PPP2R2B: variants seen among roughly 807,000 people sequenced by gnomAD.
PPP2R2B encodes the protein serine/threonine-protein phosphatase 2A 55 kDa regulatory subunit B beta isoform.
Under a neutral mutation model 46.0 loss-of-function variants are expected in PPP2R2B, and 5 were observed. The observed-to-expected ratio is 0.11, with a 90% CI of 0.06 to 0.23. The LOEUF is 0.23. Ranked by LOEUF, PPP2R2B falls within the 10% of genes least tolerant of loss-of-function variation. The pLI, the probability that PPP2R2B is intolerant of heterozygous loss-of-function variation, is 1.00. For synonymous variants in PPP2R2B, 215 were observed against 206.7 expected, an observed-to-expected ratio of 1.04 and a Z score of -0.34; for missense variants, 367 against 575.0, an observed-to-expected ratio of 0.64 and a Z score of 3.70.
chr5:146,901,867 A>G (rs1242105730), intron 1 of PPP2R2B, among the ~76,000 whole-genome samples: 4 of 152,198 alleles, frequency 2.6e-5, no homozygotes, highest in Non-Finnish European at 5.9e-5. Context: ...ACACCTCAAG[A>G]TGGGAAAATG....
At chr5:146,793,759 C>A (rs949831113) in intron 2 of PPP2R2B, among the ~76,000 whole-genome samples, 1 of 152,042 alleles carries the variant, frequency 6.6e-6, no homozygotes, top group African/African-American at 2.4e-5. Context: ...TTAGAAATAA[C>A]GAGAATATAA....
intron 2 of PPP2R2B, among the ~76,000 whole-genome samples, chr5:146,876,859 G>A (rs1178825971): frequency 2.6e-5 from 4 of 152,154 alleles, no homozygotes; most frequent in Non-Finnish European, 5.9e-5. Context: ...AGATGTGTGT[G>A]TGTCTTTTTA....
At chr5:146,953,675 G>A (rs766451865) in intron 1 of PPP2R2B, among the ~76,000 whole-genome samples, 1 of 152,128 alleles carries the variant, frequency 6.6e-6, no homozygotes, top group African/African-American at 2.4e-5. Flanking sequence ...GGAATACTTA[G>A]CCTGTGTTAA....
chr5:146,731,749 T>A (rs1256437322), intron 2 of PPP2R2B, among the ~76,000 whole-genome samples: 1 of 152,232 alleles, frequency 6.6e-6, no homozygotes, highest in Non-Finnish European at 1.5e-5. Context: ...GCTAGCACAC[T>A]GCCTGACATC....
At chr5:146,657,981 C>A (rs1007427658) in intron 5 of PPP2R2B, among the ~76,000 whole-genome samples, 2 of 152,170 alleles carry the variant, frequency 1.3e-5, no homozygotes, top group Non-Finnish European at 2.9e-5. Context: ...ACACTGGCCC[C>A]AGATAAGGCC....
chr5:147,026,647 T>C (rs748245979), intron 1 of PPP2R2B, among the ~76,000 whole-genome samples: 6 of 152,110 alleles, frequency 3.9e-5, no homozygotes, highest in Non-Finnish European at 7.4e-5. Context: ...TAGATAACTA[T>C]TTAAATAAAT....
intron 7 of PPP2R2B, among the ~76,000 whole-genome samples, chr5:146,618,177 T>C (rs1246801030): frequency 6.6e-6 from 1 of 152,220 alleles, no homozygotes; most frequent in Non-Finnish European, 1.5e-5. Flanking sequence ...CTCAGTGTAA[T>C]GACCATGGTC....
intron 2 of PPP2R2B, among the ~76,000 whole-genome samples, chr5:146,854,661 T>C (rs1760544227): frequency 6.6e-6 from 1 of 152,178 alleles, no homozygotes; most frequent in South Asian, 2.1e-4. Flanking sequence ...TCTTACATTA[T>C]ATTAAAACAC....
At chr5:146,650,104 C>T (rs1409331824) in intron 6 of PPP2R2B, among the ~76,000 whole-genome samples, 3 of 152,172 alleles carry the variant, frequency 2.0e-5, no homozygotes, top group Non-Finnish European at 4.4e-5. Flanking sequence ...GTTCCCATTG[C>T]AAGTGCTTGG....
chr5:146,876,094 ATGTG>A (rs1761882052), intron 2 of PPP2R2B, among the ~76,000 whole-genome samples: 1 of 152,152 alleles, frequency 6.6e-6, no homozygotes, highest in Non-Finnish European at 1.5e-5. Flanking sequence ...TGTGATTAGT[ATGTG>A]TGTGTGTTTG....
At chr5:146,935,216 C>T (rs1214450691) in intron 1 of PPP2R2B, among the ~76,000 whole-genome samples, 1 of 152,138 alleles carries the variant, frequency 6.6e-6, no homozygotes, top group Non-Finnish European at 1.5e-5. Context: ...GCAGAGCCCT[C>T]ACAAATGGAA....
intron 4 of PPP2R2B, among the ~76,000 whole-genome samples, chr5:146,697,017 T>G (rs1484775060): frequency 6.6e-6 from 1 of 152,220 alleles, no homozygotes; most frequent in East Asian, 1.9e-4. Flanking sequence ...TTCATGTATG[T>G]TTGATCACAT....
chr5:146,937,314 A>G lies in PPP2R2B; in HGVS notation c.79+118351T>C, dbSNP rs548332715. Among the ~76,000 whole-genome samples, 427 of 151,760 alleles carry G rather than the reference A, an allele frequency of 2.8e-3. 2 individuals are homozygous for G. Among genetic ancestry groups the G allele is most frequent in the African/African-American group, 8.7e-3 (358 of 41,384 alleles). On this transcript the variant is annotated intron_variant, in intron 1 of 8. Coordinates refer to the PPP2R2B transcript ENST00000336640. ...AGACTCCGTCTCAGAAAAAAAAAAA[A>G]AGGGGGGTTACTAGTAACTTCCCCA...
chr5:146,606,806 A>C (rs1247930231), intron 7 of PPP2R2B, among the ~76,000 whole-genome samples: 1 of 152,076 alleles, frequency 6.6e-6, no homozygotes, highest in Non-Finnish European at 1.5e-5. Context: ...CTCTCATTTC[A>C]ATGTCACCCC....
chr5:146,943,527 T>C (rs1764388164), intron 1 of PPP2R2B, among the ~76,000 whole-genome samples: 1 of 152,222 alleles, frequency 6.6e-6, no homozygotes, highest in Non-Finnish European at 1.5e-5. Flanking sequence ...AGGGTTAATC[T>C]TGACTCCATT....
Position 146,634,152 on chromosome 5 carries a change from A to G in PPP2R2B, c.790+4099T>C, listed in dbSNP as rs77861840. Among the ~76,000 whole-genome samples, 569 of 152,272 alleles carry G rather than the reference A, an allele frequency of 3.7e-3. 4 individuals carry two copies. The highest frequency in any genetic ancestry group is 0.016 in the South Asian group (77 of 4,820). On this transcript the variant is annotated intron_variant, in intron 7 of 9. Coordinates refer to ENST00000394411, the MANE Select transcript of PPP2R2B (RefSeq NM_181675.4). ...CTGAGTAAAAGAGATTGTACTGCCTATTGTCAATGGGCCTCATCTCATCAG... is the reference window on the plus strand; with the variant it reads ...CTGAGTAAAAGAGATTGTACTGCCTGTTGTCAATGGGCCTCATCTCATCAG...
intron 1 of PPP2R2B, among the ~76,000 whole-genome samples, chr5:146,997,569 C>T (rs1475158433): frequency 2.0e-5 from 3 of 152,126 alleles, no homozygotes; most frequent in Non-Finnish European, 2.9e-5. Flanking sequence ...TTTAACAAAC[C>T]CTGCAGTTGA....
At chr5:146,916,346 T>C (rs1335201880) in intron 1 of PPP2R2B, among the ~76,000 whole-genome samples, 2 of 151,152 alleles carry the variant, frequency 1.3e-5, no homozygotes, top group East Asian at 3.9e-4. Flanking sequence ...GAGTATATAG[T>C]AGGTCTCATT....
chr5:146,689,437 T>C (rs929554843), intron 5 of PPP2R2B, among the ~76,000 whole-genome samples: 3 of 152,212 alleles, frequency 2.0e-5, no homozygotes, highest in Admixed American at 2.0e-4. Context: ...TGTGTTATAA[T>C]TGCTTACTAT....
Sources: allele counts gnomAD v4.1 joint callset (sites outside exome capture counted in the v4.1 genomes callset), GRCh38; gene constraint gnomAD v4.1.1; transcripts MANE v1.5; gene names NCBI Gene and HGNC (gene_info 2026-07-23, HGNC 2026-07-21).